Variants in PACRG observed in about 807,000 individuals in gnomAD.
The protein encoded by PACRG is parkin coregulated gene protein.
A neutral mutation model predicts 29.7 loss-of-function variants in PACRG; 29 were observed. The observed-to-expected ratio is 0.98, with a 90% CI of 0.73 to 1.33. PACRG has a LOEUF of 1.33. Ranked by LOEUF, PACRG falls within the 40% of genes most tolerant of loss-of-function variation. The pLI is 0.00. For missense variants in PACRG, 279 were observed against 316.2 expected, an observed-to-expected ratio of 0.88 and a Z score of 0.89; for synonymous variants, 116 against 118.7, an observed-to-expected ratio of 0.98 and a Z score of 0.15.
rs539532208 is a variant in PACRG at position 163,163,236 on chromosome 6, C to G, written c.613+73828C>G. 2.6e-5 allele frequency among the ~76,000 whole-genome samples: 4 copies of G among 152,038 alleles called. No homozygotes were observed. The South Asian group carries it at 8.3e-4, about 32-fold the overall frequency. On this transcript the variant is annotated intron_variant, in intron 4 of 4. Transcript: ENST00000366888. ...CTACTTGCTAATTCAGCTGCTTTAT[C>G]AGCTCCACATGGTTTTTTTTGTTGT...
chr6:163,140,009 T>C lies in PACRG; in HGVS notation c.613+50601T>C, dbSNP rs568743763. Among the ~76,000 whole-genome samples, 39 of 152,270 alleles carry C rather than the reference T, an allele frequency of 2.6e-4. 1 individual carries two copies. In the South Asian group the frequency reaches 7.5e-3, roughly 29 times the overall value. On this transcript the variant is annotated intron_variant, in intron 4 of 4. Transcript: ENST00000366888. ...TCTGCCAGGACGAGCCCCATTCTCATCCTCTCCTTGAAGCTTTCCCCAGTC... is the reference window on the plus strand; with the variant it reads ...TCTGCCAGGACGAGCCCCATTCTCACCCTCTCCTTGAAGCTTTCCCCAGTC...
intron 2 of PACRG, among the ~76,000 whole-genome samples, chr6:162,872,374 C>G (rs566455204): frequency 1.3e-5 from 2 of 152,186 alleles, no homozygotes; most frequent in Non-Finnish European, 1.5e-5. Context: ...AATCTTATCT[C>G]TAGCAGTTGA....
At chr6:162,778,454 A>G (rs1386781791) in intron 1 of PACRG, among the ~76,000 whole-genome samples, 7 of 152,306 alleles carry the variant, frequency 4.6e-5, no homozygotes, top group African/African-American at 1.7e-4. Context: ...CAGGGGCTAT[A>G]CTAGGTGTTT....
At chr6:162,863,272 GT>G (rs1346243102) in intron 2 of PACRG, among the ~76,000 whole-genome samples, 1 of 152,178 alleles carries the variant, frequency 6.6e-6, no homozygotes, top group Non-Finnish European at 1.5e-5. Context: ...CTGGGTCTTG[GT>G]TTCCCCCATT....
At chr6:162,914,508 G>T (rs201700713) in intron 2 of PACRG, among the ~76,000 whole-genome samples, 2,079 of 94,680 alleles carry the variant, frequency 0.022, 70 homozygotes, top group Middle Eastern at 0.047. Flanking sequence ...GTACTTTTTT[G>T]TTTTTTTTTT....
chr6:162,762,716 G>A (rs972728342), intron 1 of PACRG, among the ~76,000 whole-genome samples: 2 of 152,106 alleles, frequency 1.3e-5, no homozygotes, highest in Non-Finnish European at 2.9e-5. Flanking sequence ...GTATCTTGTT[G>A]CATGCTAAAT....
At chr6:163,107,059 G>A (rs1389242186) in intron 4 of PACRG, among the ~76,000 whole-genome samples, 1 of 152,128 alleles carries the variant, frequency 6.6e-6, no homozygotes, top group Non-Finnish European at 1.5e-5. Context: ...CAGCTTGAAT[G>A]TTTATCTTGA....
rs575761177 is a variant in PACRG at position 163,117,615 on chromosome 6, G to T, written c.613+28207G>T. 8.5e-5 allele frequency among the ~76,000 whole-genome samples: 13 copies of T among 152,204 alleles called. 1 individual carries two copies. The South Asian group carries it at 2.7e-3, about 32-fold the overall frequency. On this transcript the variant is annotated intron_variant, in intron 4 of 4. Coordinates refer to ENST00000366888, the MANE Select transcript of PACRG (RefSeq NM_001080379.2). ...AAAAATACAAAATGAGCTGGGCTTGGTGGTGGGAACCTGTAATCCCAGCTA... is the reference window on the plus strand; with the variant it reads ...AAAAATACAAAATGAGCTGGGCTTGTTGGTGGGAACCTGTAATCCCAGCTA...
At chr6:162,903,811 G>A (rs999952327) in intron 2 of PACRG, among the ~76,000 whole-genome samples, 3 of 152,168 alleles carry the variant, frequency 2.0e-5, no homozygotes, top group Non-Finnish European at 4.4e-5. Context: ...TTATGTGATC[G>A]TGAGGGGTTT....
intron 2 of PACRG, among the ~76,000 whole-genome samples, chr6:162,895,513 T>C (rs1795103849): frequency 6.6e-6 from 1 of 152,180 alleles, no homozygotes; most frequent in African/African-American, 2.4e-5. Context: ...GGGCTATTAC[T>C]TAAATTCTTT....
At chr6:162,846,837 G>C (rs570958280) in intron 2 of PACRG, among the ~76,000 whole-genome samples, 3 of 152,284 alleles carry the variant, frequency 2.0e-5, no homozygotes, top group East Asian at 3.9e-4. Context: ...ACTGTCCACT[G>C]TGCTCCCCAC....
chr6:163,103,100 C>T (rs74970617), intron 4 of PACRG, among the ~76,000 whole-genome samples: 10,474 of 152,270 alleles, frequency 0.069, 493 homozygotes, highest in Non-Finnish European at 0.097. Flanking sequence ...TATTATCTCA[C>T]AGTTCTGCAG....
chr6:163,030,211 T>C (rs1807530431), intron 2 of PACRG, among the ~76,000 whole-genome samples: 1 of 152,184 alleles, frequency 6.6e-6, no homozygotes, highest in African/African-American at 2.4e-5. Flanking sequence ...TACCTGTGCC[T>C]TACCTGGGCA....
chr6:163,244,008 A>G (rs1014184830), intron 4 of PACRG, among the ~76,000 whole-genome samples: 1 of 152,236 alleles, frequency 6.6e-6, no homozygotes, highest in African/African-American at 2.4e-5. Flanking sequence ...GCATTCTTAC[A>G]TTTGTAGTCT....
At chr6:162,799,987 G>T (rs1322693977) in intron 1 of PACRG, among the ~76,000 whole-genome samples, 1 of 151,996 alleles carries the variant, frequency 6.6e-6, no homozygotes, top group Non-Finnish European at 1.5e-5. Context: ...TTCACATTTG[G>T]CTCACTCATT....
intron 2 of PACRG, among the ~76,000 whole-genome samples, chr6:162,935,969 G>T (rs1356289160): frequency 6.6e-6 from 1 of 152,108 alleles, no homozygotes; most frequent in Non-Finnish European, 1.5e-5. Flanking sequence ...TTTTCATGCT[G>T]CTGATGAAGA....
At chr6:162,799,246 A>G (rs1382396633) in intron 1 of PACRG, among the ~76,000 whole-genome samples, 1 of 152,220 alleles carries the variant, frequency 6.6e-6, no homozygotes, top group Non-Finnish European at 1.5e-5. Flanking sequence ...AAATGAAAAT[A>G]AAAATACTTT....
At chr6:163,231,353 C>T (rs186075143) in intron 4 of PACRG, among the ~76,000 whole-genome samples, 183 of 152,354 alleles carry the variant, frequency 1.2e-3, no homozygotes, top group African/African-American at 3.9e-3. Flanking sequence ...ATGTTAATCA[C>T]ATCCTGCTCG....
At chr6:163,290,342 A>T (rs1224087063) in intron 4 of PACRG, among the ~76,000 whole-genome samples, 1 of 149,840 alleles carries the variant, frequency 6.7e-6, no homozygotes, top group African/African-American at 2.5e-5. Flanking sequence ...CTGAGTGACC[A>T]TCTTAATGGG....
Sources: gnomAD v4.1 joint callset for allele counts (sites outside exome capture counted in the v4.1 genomes callset) on GRCh38, gnomAD v4.1.1 for gene constraint, MANE v1.5 for transcripts, NCBI Gene and HGNC (gene_info 2026-07-23, HGNC 2026-07-21) for gene names.